DCC: variants seen among roughly 807,000 people sequenced by gnomAD.
DCC encodes netrin receptor DCC.
A neutral mutation model predicts 172.5 loss-of-function variants in DCC; 58 were observed. That is an observed-to-expected ratio of 0.34 (90% CI 0.27 to 0.42). DCC has a LOEUF of 0.42. Ranked by LOEUF, DCC falls within the 10% of genes least tolerant of loss-of-function variation. The probability of loss-of-function intolerance (pLI) is 1.00; values close to 1 mark genes in which losing one functional copy is unlikely to be tolerated. For missense variants in DCC, 1,740 were observed against 1,791.0 expected (o/e 0.97, Z 0.51); for synonymous variants, 709 against 644.5 (o/e 1.10, Z -1.52).
At chr18:52,437,596 T>C (rs923039388) in intron 1 of DCC, among the ~76,000 whole-genome samples, 2 of 152,192 alleles carry the variant, frequency 1.3e-5, no homozygotes, top group African/African-American at 4.8e-5. Context: ...ATTGTACAGG[T>C]CTTTTAATTC....
At chr18:52,848,936 C>A (rs896111498) in intron 2 of DCC, among the ~76,000 whole-genome samples, 4 of 152,224 alleles carry the variant, frequency 2.6e-5, no homozygotes, top group Non-Finnish European at 4.4e-5. Context: ...GCAGCATTGA[C>A]AGTGTGTACC....
At chr18:53,511,622 G>T (rs1321229103) in intron 27 of DCC, among the ~76,000 whole-genome samples, 1 of 152,226 alleles carries the variant, frequency 6.6e-6, no homozygotes, top group Non-Finnish European at 1.5e-5. Context: ...GCGAGCCAAA[G>T]CAGGGCGAGG....
At chr18:53,169,690 G>C (rs909965274) in intron 8 of DCC, among the ~76,000 whole-genome samples, 3 of 152,118 alleles carry the variant, frequency 2.0e-5, no homozygotes, top group South Asian at 2.1e-4. Context: ...TGAGAGGGAG[G>C]AGGCTTGGGG....
chr18:52,677,479 CT>C (rs1471954012), intron 1 of DCC, among the ~76,000 whole-genome samples: 1 of 151,828 alleles, frequency 6.6e-6, no homozygotes, highest in South Asian at 2.1e-4. Flanking sequence ...TGTGATGCTT[CT>C]TTTTTTATAT....
At chr18:52,905,944 A>G in intron 2 of DCC, 100 bp from the exon 3 acceptor site, 1 of 892,176 alleles carries the variant, frequency 1.1e-6, no homozygotes, top group Non-Finnish European at 1.8e-6. Context: ...ACAGCTTGTA[A>G]AATATAATTT....
At chr18:52,783,695 A>T (rs1001876995) in intron 2 of DCC, among the ~76,000 whole-genome samples, 11 of 150,906 alleles carry the variant, frequency 7.3e-5, no homozygotes, top group African/African-American at 2.7e-4. Context: ...TGTATGTATT[A>T]TATATAGTGT....
At chr18:53,425,362 T>C (rs75262221) in intron 21 of DCC, among the ~76,000 whole-genome samples, 2 of 122,342 alleles carry the variant, frequency 1.6e-5, no homozygotes, top group East Asian at 4.3e-4. Context: ...CCTCTCTTTT[T>C]TTTTTTTTTT....
At chr18:52,745,509 T>A (rs1343418931) in intron 1 of DCC, among the ~76,000 whole-genome samples, 1 of 152,016 alleles carries the variant, frequency 6.6e-6, no homozygotes, top group Non-Finnish European at 1.5e-5. Context: ...TTATTTTTAA[T>A]TGGCACACAA....
Position 53,532,902 on chromosome 18 carries a change from T to A in DCC, c.*2249T>A, listed in dbSNP as rs997065701. ...ATAATTATTTAGGAAATAAAATTTT[T>A]AAAAATCCATTTAAATACATGTTAT... is the stretch of plus-strand genomic sequence containing the variant. On this transcript the variant is annotated 3_prime_UTR_variant, in exon 29 of 29. Coordinates refer to ENST00000442544, the MANE Select transcript of DCC (RefSeq NM_005215.4). The A allele has an allele frequency of 2.6e-5, 4 of 152,178 alleles. No individual in the cohort carries two copies. Among genetic ancestry groups the A allele is most frequent in the African/African-American group, 7.2e-5 (3 of 41,444 alleles). The allele number at this position is 152,178 out of a possible 1,614,324, so 9.4% of individuals were successfully genotyped here. A position where few individuals can be genotyped will look rare whatever the true frequency, so the allele number is the denominator to read the frequency against.
intron 5 of DCC, among the ~76,000 whole-genome samples, chr18:52,938,278 T>G (rs2040410345): frequency 6.6e-6 from 1 of 152,126 alleles, no homozygotes; most frequent in African/African-American, 2.4e-5. Context: ...AGAACTTAAT[T>G]AAGCAAGACA....
intron 2 of DCC, among the ~76,000 whole-genome samples, chr18:52,885,473 A>G (rs1261308426): frequency 6.6e-6 from 1 of 152,110 alleles, no homozygotes; most frequent in Non-Finnish European, 1.5e-5. Context: ...CCAGGCCACC[A>G]CTGATATTCA....
At chr18:52,855,404 T>G (rs1466344066) in intron 2 of DCC, among the ~76,000 whole-genome samples, 1 of 152,228 alleles carries the variant, frequency 6.6e-6, no homozygotes, top group Non-Finnish European at 1.5e-5. Context: ...CGTCTTAGGT[T>G]TCCGTATAGC....
At chr18:52,714,533 T>G (rs1425368569) in intron 1 of DCC, among the ~76,000 whole-genome samples, 1 of 152,172 alleles carries the variant, frequency 6.6e-6, no homozygotes, top group African/African-American at 2.4e-5. Flanking sequence ...GGGAAGGAAC[T>G]GCTATATTGG....
chr18:52,429,932 C>T (rs1361377740), intron 1 of DCC, among the ~76,000 whole-genome samples: 2 of 152,014 alleles, frequency 1.3e-5, no homozygotes, highest in East Asian at 1.9e-4. Context: ...GGCTTTTGAG[C>T]TGGTCATGGG....
rs967745955 is a variant in DCC at position 53,296,572 on chromosome 18, C to T, written c.1912-9006C>T. Among the ~76,000 whole-genome samples, 4 of 152,076 alleles carry T rather than the reference C, an allele frequency of 2.6e-5. No homozygotes were observed. In the East Asian group the frequency reaches 7.8e-4, roughly 29 times the overall value. ...AGCAGTGTGAGAGTAGAGGCTGGGG[C>T]GCCAGTTAGCTATGGCAATATTCTG... is the stretch of plus-strand genomic sequence containing the variant. On this transcript the variant is annotated intron_variant, in intron 12 of 28. Transcript: ENST00000442544.
At chr18:52,627,321 A>T (rs999097696) in intron 1 of DCC, among the ~76,000 whole-genome samples, 14 of 152,124 alleles carry the variant, frequency 9.2e-5, no homozygotes, top group Non-Finnish European at 1.6e-4. Flanking sequence ...GAGCCCCTAT[A>T]ACAGTGCCTG....
intron 1 of DCC, among the ~76,000 whole-genome samples, chr18:52,428,104 T>C (rs1987502857): frequency 6.6e-6 from 1 of 152,078 alleles, no homozygotes; most frequent in South Asian, 2.1e-4. Context: ...CTTCTTGCAT[T>C]TCTGTTTTAT....
At chr18:53,170,446 G>A (rs994406703) in intron 8 of DCC, among the ~76,000 whole-genome samples, 2 of 152,184 alleles carry the variant, frequency 1.3e-5, no homozygotes, top group Non-Finnish European at 2.9e-5. Flanking sequence ...TGGAGTGGGG[G>A]CAAGCCCCAA....
chr18:53,439,736 A>G (rs1230845603), intron 22 of DCC, among the ~76,000 whole-genome samples: 1 of 151,840 alleles, frequency 6.6e-6, no homozygotes, highest in Non-Finnish European at 1.5e-5. Flanking sequence ...AGGTAGAATC[A>G]AAGCTAATAT....
Sources: allele counts gnomAD v4.1 joint callset (sites outside exome capture counted in the v4.1 genomes callset), GRCh38; gene constraint gnomAD v4.1.1; transcripts MANE v1.5; gene names NCBI Gene and HGNC (gene_info 2026-07-23, HGNC 2026-07-21).